The following TMEM132D variants were observed in gnomAD, a reference collection of about 807,000 sequenced individuals.
TMEM132D encodes transmembrane protein 132D, also known as mature OL transmembrane protein.
A neutral mutation model predicts 62.3 loss-of-function variants in TMEM132D; 21 were observed. That is an observed-to-expected ratio of 0.34 (90% CI 0.24 to 0.49). The LOEUF (loss-of-function observed/expected upper bound fraction) is 0.49. TMEM132D is among the 20% of genes least tolerant of loss of function. TMEM132D has a pLI of 0.99. For missense variants in TMEM132D, 1,346 were observed against 1,402.8 expected, an observed-to-expected ratio of 0.96 and a Z score of 0.65; for synonymous variants, 621 against 575.6, an observed-to-expected ratio of 1.08 and a Z score of -1.13.
At chr12:129,753,513 C>T (rs537769859) in intron 1 of TMEM132D, among the ~76,000 whole-genome samples, 1 of 152,278 alleles carries the variant, frequency 6.6e-6, no homozygotes, top group South Asian at 2.1e-4. Flanking sequence ...CAATCCTGGA[C>T]TTTCACAAAT....
At chr12:129,680,807 A>C (rs1880758109) in intron 2 of TMEM132D, among the ~76,000 whole-genome samples, 1 of 152,190 alleles carries the variant, frequency 6.6e-6, no homozygotes, top group Admixed American at 6.5e-5. Flanking sequence ...CAGAAGGACA[A>C]AGCAAAGAGG....
At chr12:129,613,489 C>T (rs907214793) in intron 2 of TMEM132D, among the ~76,000 whole-genome samples, 3 of 152,214 alleles carry the variant, frequency 2.0e-5, no homozygotes, top group South Asian at 2.1e-4. Flanking sequence ...CCCATTCTGT[C>T]GTGCCCAGGC....
At chr12:129,721,106 G>A (rs1224998954) in intron 1 of TMEM132D, among the ~76,000 whole-genome samples, 1 of 152,218 alleles carries the variant, frequency 6.6e-6, no homozygotes, top group African/African-American at 2.4e-5. Context: ...AGGTATTGGG[G>A]AGGGGTTTTT....
At chr12:129,743,330 A>C (rs1054373180) in intron 1 of TMEM132D, among the ~76,000 whole-genome samples, 1 of 152,210 alleles carries the variant, frequency 6.6e-6, no homozygotes, top group Non-Finnish European at 1.5e-5. Flanking sequence ...GAGATAATTT[A>C]ATCATAGTGG....
At chr12:129,583,073 G>A (rs1312093819) in intron 2 of TMEM132D, among the ~76,000 whole-genome samples, 1 of 152,200 alleles carries the variant, frequency 6.6e-6, no homozygotes, top group Non-Finnish European at 1.5e-5. Flanking sequence ...CTCCCAAAGT[G>A]CTGGGATTAC....
At chr12:129,488,630 AC>A (rs1265915711) in intron 3 of TMEM132D, among the ~76,000 whole-genome samples, 1 of 152,144 alleles carries the variant, frequency 6.6e-6, no homozygotes, top group Non-Finnish European at 1.5e-5. Context: ...CCAAGATCAC[AC>A]CATAGCACTC....
rs1252528607 is a variant in TMEM132D at position 129,095,370 on chromosome 12, G to A, written c.1444-10668C>T. On this transcript the variant is annotated intron_variant, in intron 5 of 8. Transcript: ENST00000422113. ...GGTTTTTTTTTTTTTTTTTTTTTGA[G>A]ACGGAGTCTCACTCTGTCACCCAGG... Among the ~76,000 whole-genome samples, 5 of 71,484 alleles carry A rather than the reference G, an allele frequency of 7.0e-5. No individual in the cohort carries two copies. The Admixed American group carries it at 9.9e-4, about 14-fold the overall frequency. 46.9% of individuals were successfully genotyped at this position (71,484 alleles called of 152,430 possible). A position where few individuals can be genotyped will look rare whatever the true frequency, so the allele number is the denominator to read the frequency against.
At chr12:129,398,642 A>G (rs1871503156) in intron 3 of TMEM132D, among the ~76,000 whole-genome samples, 2 of 152,224 alleles carry the variant, frequency 1.3e-5, no homozygotes, top group South Asian at 4.1e-4. Flanking sequence ...CACACGATAT[A>G]TAAATTGTAA....
chr12:129,677,527 T>C (rs2137205199), intron 2 of TMEM132D, among the ~76,000 whole-genome samples: 1 of 152,370 alleles, frequency 6.6e-6, no homozygotes, highest in East Asian at 1.9e-4. Context: ...TGGATTTCTA[T>C]CTCTGGTAAG....
chr12:129,335,768 T>C (rs907985167), intron 4 of TMEM132D, among the ~76,000 whole-genome samples: 1 of 152,228 alleles, frequency 6.6e-6, no homozygotes, highest in African/African-American at 2.4e-5. Context: ...CAATCTTTCA[T>C]GCTAAAAAAG....
Position 129,075,160 on chromosome 12 carries a change from G to A in TMEM132D, c.2116-101C>T. On this transcript the variant is annotated intron_variant, in intron 8 of 8. Transcript: ENST00000422113. ...CACAACGGCAAAACTATTGCTACAA[G>A]AACAAAGACAAACCTTTCAAACAGT... The A allele has an allele frequency of 7.8e-6, 7 of 902,062 alleles. No homozygotes were observed. The South Asian group carries it at 1.2e-4, about 16-fold the overall frequency. 55.9% of individuals were successfully genotyped at this position (902,062 alleles called of 1,614,324 possible).
chr12:129,588,986 T>G (rs1040851030), intron 2 of TMEM132D, among the ~76,000 whole-genome samples: 2 of 152,108 alleles, frequency 1.3e-5, no homozygotes, highest in Non-Finnish European at 2.9e-5. Flanking sequence ...AGAAGAAACC[T>G]TCTTGCAGTG....
intron 2 of TMEM132D, among the ~76,000 whole-genome samples, chr12:129,566,088 T>TAA (rs1384084581): frequency 6.6e-6 from 1 of 152,208 alleles, no homozygotes; most frequent in Non-Finnish European, 1.5e-5. Flanking sequence ...TAAGTTTGAG[T>TAA]TTTTCAGGGA....
intron 1 of TMEM132D, among the ~76,000 whole-genome samples, chr12:129,768,543 T>C (rs768674367): frequency 5.3e-5 from 8 of 152,036 alleles, no homozygotes; most frequent in Non-Finnish European, 1.0e-4. Flanking sequence ...TCTAGGTATA[T>C]GTACAAAAGA....
intron 5 of TMEM132D, among the ~76,000 whole-genome samples, chr12:129,166,437 G>A (rs997226260): frequency 9.5e-6 from 1 of 105,616 alleles, no homozygotes; most frequent in African/African-American, 3.1e-5. Flanking sequence ...GTGGGCGGAT[G>A]TGGCAGGCTT....
At chr12:129,331,520 A>C (rs1869105091) in intron 4 of TMEM132D, among the ~76,000 whole-genome samples, 1 of 152,214 alleles carries the variant, frequency 6.6e-6, no homozygotes, top group Admixed American at 6.5e-5. Flanking sequence ...GCAAAATGAG[A>C]AGCTGGTCAA....
chr12:129,240,590 C>T (rs564321371), intron 4 of TMEM132D, among the ~76,000 whole-genome samples: 4 of 152,228 alleles, frequency 2.6e-5, no homozygotes, highest in African/African-American at 9.6e-5. Context: ...ATGATTTCTT[C>T]GTGATTTAAA....
At chr12:129,815,867 C>T (rs1013735984) in intron 1 of TMEM132D, among the ~76,000 whole-genome samples, 3 of 152,222 alleles carry the variant, frequency 2.0e-5, no homozygotes, top group African/African-American at 4.8e-5. Flanking sequence ...AATGTCACGA[C>T]TGAATACTCG....
intron 2 of TMEM132D, among the ~76,000 whole-genome samples, chr12:129,611,137 T>G (rs886329593): frequency 6.6e-6 from 1 of 152,174 alleles, no homozygotes. Flanking sequence ...TTATTTTTAT[T>G]TTTGCATTTA....
Sources: allele counts gnomAD v4.1 joint callset (sites outside exome capture counted in the v4.1 genomes callset), GRCh38; gene constraint gnomAD v4.1.1; transcripts MANE v1.5; gene names NCBI Gene and HGNC (gene_info 2026-07-23, HGNC 2026-07-21).